The following COMMD4 variants were observed in gnomAD, a reference collection of about 807,000 sequenced individuals.
COMMD4 encodes the protein COMM domain containing 4.
In COMMD4, 18 loss-of-function variants were observed where a neutral mutation model predicts 27.5. The observed-to-expected ratio is 0.65, with a 90% CI of 0.45 to 0.97. COMMD4 has a LOEUF of 0.97. Ranked by LOEUF, COMMD4 falls within the 50% of genes least tolerant of loss-of-function variation. COMMD4 has a pLI of 0.00. For missense variants in COMMD4, 243 were observed against 250.0 expected (o/e 0.97, Z 0.19); for synonymous variants, 108 against 108.4 (o/e 1.00, Z 0.02).
chr15:75,339,428 A>C, intron 6 of COMMD4, 84 bp downstream of exon 6: 1 of 1,549,726 alleles, frequency 6.5e-7, no homozygotes. Context: ...CAGGGAGACG[A>C]CTTAACCACG....
In COMMD4 at chr15:75,336,261, C is replaced by G. The variant is rs750364240; in HGVS notation, c.3+169C>G. Reference sequence around the variant, plus strand: ...GAAAAGTCCACCACTCTCCCGCTCCCGAGACGGGGGCGGGGGTACGGGGCG... The same window carrying G: ...GAAAAGTCCACCACTCTCCCGCTCCGGAGACGGGGGCGGGGGTACGGGGCG... On this transcript the variant is annotated intron_variant, in intron 1 of 7. Coordinates refer to ENST00000267935, the MANE Select transcript of COMMD4 (RefSeq NM_017828.5). The G allele has an allele frequency of 3.3e-6, 5 of 1,507,820 alleles. No individual in the cohort carries two copies. The African/African-American group carries it at 7.0e-5, about 21-fold the overall frequency. The allele number at this position is 1,507,820 out of a possible 1,614,324, so 93.4% of individuals were successfully genotyped here.
Position 75,338,766 on chromosome 15 carries a change from C to T in COMMD4, c.181+81C>T, listed in dbSNP as rs753392038. The T allele has an allele frequency of 4.0e-6, 6 of 1,502,464 alleles. No homozygotes were observed. The Admixed American group carries it at 9.2e-5, about 23-fold the overall frequency. 93.1% of individuals were successfully genotyped at this position (1,502,464 alleles called of 1,614,324 possible). On this transcript the variant is annotated intron_variant, in intron 4 of 7. Transcript: ENST00000267935. The stretch of plus-strand genomic sequence containing the variant: ...GCCTGGTACAGAGGGGCCCCCCACC[C>T]CTCCCAGCAGCATCCTTAACTTACC...
intron 3 of COMMD4, 46 bp downstream of exon 3, chr15:75,338,466 A>G (rs1000890935): frequency 1.2e-6 from 2 of 1,604,998 alleles, no homozygotes; most frequent in Admixed American, 3.4e-5. Context: ...CCTTATGACC[A>G]CCACTGCCCT....
chr15:75,336,274 GGGGTACGGGGC>G (rs2071180516), intron 1 of COMMD4, 182 bp downstream of exon 1: 3 of 1,497,598 alleles, frequency 2.0e-6, no homozygotes, highest in Non-Finnish European at 2.7e-6. Flanking sequence ...GACGGGGGCG[GGGGTACGGGGC>G]GGGTAAGACA....
intron 1 of COMMD4, chr15:75,337,720 G>A (rs1271170408): frequency 6.4e-6 from 2 of 314,558 alleles, no homozygotes; most frequent in Non-Finnish European, 1.2e-5. Context: ...ATGGGGAAGA[G>A]GGGAGAGAGT....
chr15:75,340,352 T>G (rs546888741), downstream of COMMD4: 6 of 268,964 alleles, frequency 2.2e-5, no homozygotes, highest in African/African-American at 1.3e-4. Flanking sequence ...GCCTTCTTGG[T>G]CCATCACTCA....
chr15:75,336,203 G>C (rs1186105251), intron 1 of COMMD4, 111 bp downstream of exon 1: 6 of 1,548,162 alleles, frequency 3.9e-6, no homozygotes, highest in Non-Finnish European at 4.4e-6. Flanking sequence ...CAAACACAGT[G>C]TGTGCGGGCG....
chr15:75,339,829 G>A lies in COMMD4; in HGVS notation c.510G>A (p.Gln170=). 1 of 1,614,060 alleles carries A rather than the reference G, an allele frequency of 6.2e-7. No homozygotes were observed. The highest frequency in any genetic ancestry group is 1.1e-5 in the South Asian group (1 of 91,058). The stretch of plus-strand genomic sequence containing the variant: ...CAGCTGCCCCAGGGACCCCAGCCCA[G>A]CCTGTTGCCATGTCCCTCTCAGCAG... The part of the protein sequence containing the change: ...EVAAAPGTPA[Q]PVAMSLSADK... The change falls in exon 7 of 8, where the codon CAG becomes CAA. Residue 170 remains glutamine, a synonymous_variant. Coordinates refer to ENST00000267935, the MANE Select transcript of COMMD4 (RefSeq NM_017828.5).
downstream of COMMD4, chr15:75,342,871 T>G (rs2071438971): frequency 6.6e-6 from 1 of 152,242 alleles, no homozygotes; most frequent in African/African-American, 2.4e-5. Flanking sequence ...TAGGCTGGAG[T>G]GCAGTGGCGT....
At chr15:75,339,400 C>G in intron 6 of COMMD4, 56 bp downstream of exon 6, 1 of 1,587,190 alleles carries the variant, frequency 6.3e-7, no homozygotes, top group South Asian at 1.1e-5. Context: ...ACGCAGCACA[C>G]AAAGTGCATG....
rs139615169 is a variant in COMMD4 at position 75,339,040 on chromosome 15, G to C, written c.237G>C (p.Ala79=). 6.2e-7 allele frequency: 1 copy of C among 1,613,760 alleles called. No homozygotes were observed. Among genetic ancestry groups the C allele is most frequent in the Non-Finnish European group, 8.5e-7 (1 of 1,179,902 alleles). The part of the protein sequence containing the change: ...VAVLSFILSS[A]AKHSVDGESL... ...TGCTGAGTTTCATCCTCTCCAGTGC[G>C]GCCAAGCACAGTGTCGATGGCGAAT... Residue 79 remains alanine (A), a synonymous_variant, in exon 5 of 8, where the codon GCG becomes GCC. Coordinates refer to ENST00000267935, the MANE Select transcript of COMMD4 (RefSeq NM_017828.5).
In COMMD4 at chr15:75,338,142, C is replaced by T. The variant is rs748893622; in HGVS notation, c.75+9C>T. On this transcript the variant is annotated intron_variant, in intron 2 of 7. Coordinates refer to ENST00000267935, the MANE Select transcript of COMMD4 (RefSeq NM_017828.5). Reference sequence around the variant, plus strand: ...GCACGCTGGCCAAGATGGTTGAGTGCACAGGGTCTAGTCTGGGTGGAGGAG... The same window carrying T: ...GCACGCTGGCCAAGATGGTTGAGTGTACAGGGTCTAGTCTGGGTGGAGGAG... 5.6e-6 allele frequency: 9 copies of T among 1,596,452 alleles called. No homozygotes were observed. The East Asian group carries it at 1.1e-4, about 20-fold the overall frequency.
chr15:75,336,570 CATCCATCCATCCA>C (rs1291981748), intron 1 of COMMD4: 2 of 231,922 alleles, frequency 8.6e-6, no homozygotes, highest in South Asian at 1.9e-4. Flanking sequence ...GAGACTTATC[CATCCATCCATCCA>C]ATCCATCCAT....
At position 75,338,118 on chromosome 15, in the gene COMMD4, C is replaced by T; in HGVS notation, c.60C>T (p.Ser20=). Residue 20 remains serine (S), a synonymous_variant, in exon 2 of 8, where the codon AGC becomes AGT. Coordinates refer to ENST00000267935, the MANE Select transcript of COMMD4 (RefSeq NM_017828.5). ...DCPDWVLAEI[S]TLAKMSSVKL... ...CCGACTGGGTCCTGGCAGAAATCAG[C>T]ACGCTGGCCAAGATGGTTGAGTGCA... is the stretch of plus-strand genomic sequence containing the variant. 2 of 1,605,760 alleles carry T rather than the reference C, an allele frequency of 1.2e-6. No individual in the cohort carries two copies. The highest frequency in any genetic ancestry group is 1.3e-5 in the African/African-American group (1 of 74,804).
chr15:75,339,920 G>T, intron 7 of COMMD4, 42 bp downstream of exon 7: 8 of 1,614,064 alleles, frequency 5.0e-6, no homozygotes, highest in Non-Finnish European at 5.1e-6. Flanking sequence ...GGCTCTCCCA[G>T]ATCCGCCTGA....
chr15:75,342,349 TGG>T (rs1456387438), downstream of COMMD4: 3 of 152,126 alleles, frequency 2.0e-5, no homozygotes, highest in Non-Finnish European at 4.4e-5. Context: ...GAGACCAGGC[TGG>T]GCAACATGGC....
rs2071400275 is a variant in COMMD4, at chr15:75,340,021, A to G, written c.*16A>G. The G allele has an allele frequency of 1.2e-6, 2 of 1,613,818 alleles. No individual in the cohort carries two copies. Among genetic ancestry groups the G allele is most frequent in the Non-Finnish European group, 1.7e-6 (2 of 1,179,868 alleles). ...CCTGGGCTGAGGAGAAGGGTGTTCC[A>G]GGCCTGTGTGGAGCCGCCCTGCCCG... is the stretch of plus-strand genomic sequence containing the variant. On this transcript the variant is annotated 3_prime_UTR_variant, in exon 8 of 8. Coordinates refer to ENST00000267935, the MANE Select transcript of COMMD4 (RefSeq NM_017828.5).
intron 3 of COMMD4, 103 bp from the exon 4 acceptor site, chr15:75,338,543 C>T: frequency 6.4e-7 from 1 of 1,574,524 alleles, no homozygotes. Context: ...CACCTCCCTT[C>T]CTTCTTTCCA....
At chr15:75,339,605 C>T in intron 6 of COMMD4, 97 bp from the exon 7 acceptor site, 3 of 1,368,504 alleles carry the variant, frequency 2.2e-6, no homozygotes, top group Non-Finnish European at 3.0e-6. Flanking sequence ...TTAGAGGCCA[C>T]ATAGCCTTGA....
Sources: allele counts gnomAD v4.1 joint callset, GRCh38; gene constraint gnomAD v4.1.1; transcripts MANE v1.5; gene names NCBI Gene and HGNC (gene_info 2026-07-23, HGNC 2026-07-21).